Variants in FTO observed in about 807,000 individuals in gnomAD.
FTO encodes FTO alpha-ketoglutarate dependent dioxygenase.
A neutral mutation model predicts 63.9 loss-of-function variants in FTO; 47 were observed. The observed-to-expected ratio is 0.74, with a 90% CI of 0.58 to 0.94. The LOEUF is 0.94. FTO is among the 40% of genes least tolerant of loss of function. FTO has a pLI of 0.00. For missense variants in FTO, 562 were observed against 618.1 expected (o/e 0.91, Z 0.96); for synonymous variants, 207 against 224.4 (o/e 0.92, Z 0.69).
intron 8 of FTO, among the ~76,000 whole-genome samples, chr16:54,036,844 G>A (rs2084950519): frequency 6.6e-6 from 1 of 152,134 alleles, no homozygotes; most frequent in Non-Finnish European, 1.5e-5. Context: ...AGTCCTTTTT[G>A]CTATGTGAGA....
chr16:53,790,374 A>G (rs34670590), intron 1 of FTO, among the ~76,000 whole-genome samples: 4 of 152,158 alleles, frequency 2.6e-5, no homozygotes, highest in Admixed American at 2.6e-4. Context: ...GTAGAATCAT[A>G]CAGTATTTGT....
At chr16:53,770,250 C>T (rs2077303518) in intron 1 of FTO, among the ~76,000 whole-genome samples, 2 of 152,080 alleles carry the variant, frequency 1.3e-5, no homozygotes, top group Admixed American at 1.3e-4. Flanking sequence ...CCTAACGAAC[C>T]TCCTTGCTTC....
chr16:53,842,747 C>T (rs2079512210), intron 3 of FTO, among the ~76,000 whole-genome samples: 1 of 152,164 alleles, frequency 6.6e-6, no homozygotes, highest in South Asian at 2.1e-4. Flanking sequence ...TATCACAACT[C>T]ACTGCAGCCT....
chr16:53,882,554 C>T (rs577972081), intron 6 of FTO, among the ~76,000 whole-genome samples: 1 of 152,244 alleles, frequency 6.6e-6, no homozygotes, highest in Non-Finnish European at 1.5e-5. Context: ...TGGGGGAATG[C>T]CTGGAGTCCG....
intron 1 of FTO, among the ~76,000 whole-genome samples, chr16:53,792,041 A>G (rs2077931423): frequency 6.6e-6 from 1 of 150,674 alleles, no homozygotes; most frequent in African/African-American, 2.4e-5. Context: ...GCGCCACTGC[A>G]CTCCCGCCTG....
At chr16:53,758,277 C>T (rs985616399) in intron 1 of FTO, among the ~76,000 whole-genome samples, 1 of 152,172 alleles carries the variant, frequency 6.6e-6, no homozygotes, top group African/African-American at 2.4e-5. Flanking sequence ...AGCAGGACAT[C>T]TAGATTTTTA....
Position 54,121,639 on chromosome 16 carries a change from T to C in FTO, c.*9724T>C, listed in dbSNP as rs2087006718. 1 of 152,158 alleles carries C rather than the reference T, an allele frequency of 6.6e-6. No homozygotes were observed. Among genetic ancestry groups the C allele is most frequent in the Non-Finnish European group, 1.5e-5 (1 of 68,048 alleles). 9.4% of individuals were successfully genotyped at this position (152,158 alleles called of 1,614,324 possible). ...CAGGTGAAGAATCTTTTTCCAGCAC[T>C]CCTGAGCCCTTCGGGTCGCGGAACA... On this transcript the variant is annotated 3_prime_UTR_variant, in exon 9 of 9. Transcript: ENST00000471389.
intron 8 of FTO, among the ~76,000 whole-genome samples, chr16:53,943,188 A>C (rs1231681096): frequency 6.6e-6 from 1 of 152,228 alleles, no homozygotes; most frequent in African/African-American, 2.4e-5. Flanking sequence ...ACATTGTATA[A>C]ATTTAGAGCA....
At chr16:54,085,275 T>A (rs939715086) in intron 8 of FTO, among the ~76,000 whole-genome samples, 1 of 152,248 alleles carries the variant, frequency 6.6e-6, no homozygotes, top group Admixed American at 6.5e-5. Context: ...TTCTTTTGGC[T>A]GTGACATTTA....
intron 8 of FTO, among the ~76,000 whole-genome samples, chr16:54,067,931 T>A (rs1040216087): frequency 1.3e-5 from 2 of 152,092 alleles, no homozygotes; most frequent in South Asian, 2.1e-4. Flanking sequence ...GCAGTCTTAC[T>A]GACGGGCTGT....
At chr16:54,057,735 T>G (rs1358243631) in intron 8 of FTO, among the ~76,000 whole-genome samples, 1 of 152,162 alleles carries the variant, frequency 6.6e-6, no homozygotes, top group African/African-American at 2.4e-5. Context: ...ATTATTTTAA[T>G]GCTTTGTATG....
intron 1 of FTO, among the ~76,000 whole-genome samples, chr16:53,793,616 CAA>C (rs1270272824): frequency 4.6e-5 from 7 of 152,126 alleles, no homozygotes; most frequent in African/African-American, 1.7e-4. Flanking sequence ...CAGCTTGAAT[CAA>C]GAGAAGTGAA....
intron 4 of FTO, among the ~76,000 whole-genome samples, chr16:53,856,222 C>T (rs978906396): frequency 2.6e-5 from 4 of 151,814 alleles, no homozygotes; most frequent in African/African-American, 9.7e-5. Flanking sequence ...ATTGAAGGTT[C>T]GAATTTAGGA....
chr16:53,802,099 A>G (rs756051698), intron 1 of FTO, among the ~76,000 whole-genome samples: 1 of 152,068 alleles, frequency 6.6e-6, no homozygotes, highest in Non-Finnish European at 1.5e-5. Flanking sequence ...TTTTGGGTAC[A>G]TAGTACCTTC....
chr16:53,886,172 T>C (rs942983904), intron 6 of FTO, among the ~76,000 whole-genome samples: 4 of 152,230 alleles, frequency 2.6e-5, no homozygotes, highest in African/African-American at 9.6e-5. Flanking sequence ...CCCCTAGATA[T>C]AGCCTTCTCC....
chr16:53,980,957 A>G (rs1212857522), intron 8 of FTO, among the ~76,000 whole-genome samples: 1 of 152,246 alleles, frequency 6.6e-6, no homozygotes, highest in Non-Finnish European at 1.5e-5. Context: ...AACAGAGTGT[A>G]GCCAGTTTTC....
At chr16:54,051,259 G>A (rs922493809) in intron 8 of FTO, among the ~76,000 whole-genome samples, 1 of 152,186 alleles carries the variant, frequency 6.6e-6, no homozygotes, top group African/African-American at 2.4e-5. Context: ...ACTCTGCCCA[G>A]CTGGCCGGTG....
In FTO at chr16:54,121,741, G is replaced by A. The variant is rs2087007808; in HGVS notation, c.*9826G>A. ...GGTTTCTTTTTCGGTGGGGCATGGGGTGGGGGTGAGTGTCATGCTTTCTAA... is the reference window on the plus strand; with the variant it reads ...GGTTTCTTTTTCGGTGGGGCATGGGATGGGGGTGAGTGTCATGCTTTCTAA... On this transcript the variant is annotated 3_prime_UTR_variant, in exon 9 of 9. Coordinates refer to ENST00000471389, the MANE Select transcript of FTO (RefSeq NM_001080432.3). 1 of 152,444 alleles carries A rather than the reference G, an allele frequency of 6.6e-6. No homozygotes were observed. The allele number at this position is 152,444 out of a possible 1,614,324, so 9.4% of individuals were successfully genotyped here.
intron 8 of FTO, among the ~76,000 whole-genome samples, chr16:54,041,945 G>C (rs1400507802): frequency 1.3e-5 from 2 of 152,212 alleles, no homozygotes; most frequent in Non-Finnish European, 2.9e-5. Context: ...GCGGATGGCT[G>C]TTCCTATTGT....
Sources: gnomAD v4.1 joint callset for allele counts (sites outside exome capture counted in the v4.1 genomes callset) on GRCh38, gnomAD v4.1.1 for gene constraint, MANE v1.5 for transcripts, NCBI Gene and HGNC (gene_info 2026-07-23, HGNC 2026-07-21) for gene names.